The following DAPK2 variants were observed in gnomAD, a reference collection of about 807,000 sequenced individuals.
DAPK2 encodes death-associated protein kinase 2.
In DAPK2, 35 loss-of-function variants were observed where a neutral mutation model predicts 44.1. The observed-to-expected ratio is 0.79, with a 90% CI of 0.61 to 1.05. The LOEUF is 1.05. Ranked by LOEUF, DAPK2 falls within the 50% of genes least tolerant of loss-of-function variation. The pLI, the probability that DAPK2 is intolerant of heterozygous loss-of-function variation, is 0.00. For synonymous variants in DAPK2, 174 were observed against 182.6 expected, an observed-to-expected ratio of 0.95 and a Z score of 0.38; for missense variants, 453 against 483.2, an observed-to-expected ratio of 0.94 and a Z score of 0.59.
At chr15:63,992,876 G>A (rs2078855794) in intron 1 of DAPK2, among the ~76,000 whole-genome samples, 1 of 152,174 alleles carries the variant, frequency 6.6e-6, no homozygotes, top group Non-Finnish European at 1.5e-5. Context: ...AGAAATGCCA[G>A]CCAGGCCCAT....
At chr15:63,972,811 T>C (rs1364746448) in intron 2 of DAPK2, among the ~76,000 whole-genome samples, 1 of 152,202 alleles carries the variant, frequency 6.6e-6, no homozygotes, top group Non-Finnish European at 1.5e-5. Flanking sequence ...CCTCCTCATA[T>C]TGGAAAACAT....
In DAPK2 at chr15:63,912,115, C is replaced by T. The variant is rs150322169; in HGVS notation, c.941G>A (p.Arg314Gln). ...CCCCAACCCTGGACACACCTTCCACCGCCTGCGGACATACTGCTTCCTGAA... is the reference window on the plus strand; with the variant it reads ...CCCCAACCCTGGACACACCTTCCACTGCCTGCGGACATACTGCTTCCTGAA... The change falls in exon 9 of 11, where the codon CGG becomes CAG. Residue 314 changes from arginine (R) to glutamine (Q), a missense_variant. Arg to Gln is a conservative substitution (Grantham distance 43). Transcript: ENST00000261891. This position sits in a 1 kb window ranked among gnomAD's most constrained non-coding sequence, Gnocchi z 4.4. 4.3e-6 allele frequency: 7 copies of T among 1,613,786 alleles called. No individual in the cohort carries two copies. Among genetic ancestry groups the T allele is most frequent in the African/African-American group, 4.0e-5 (3 of 74,832 alleles).
intron 6 of DAPK2, among the ~76,000 whole-genome samples, chr15:63,926,969 C>T (rs759683837): frequency 6.6e-6 from 1 of 152,170 alleles, no homozygotes; most frequent in Non-Finnish European, 1.5e-5. Context: ...ACTTTCTTAG[C>T]ATGGTGGCAG....
At chr15:63,940,483 G>C (rs1233887829) in intron 3 of DAPK2, among the ~76,000 whole-genome samples, 1 of 152,140 alleles carries the variant, frequency 6.6e-6, no homozygotes, top group Non-Finnish European at 1.5e-5. Flanking sequence ...GGTCGAGGTG[G>C]GTGGATTACT....
intron 2 of DAPK2, among the ~76,000 whole-genome samples, chr15:63,973,945 C>T (rs535333830): frequency 2.0e-5 from 3 of 152,264 alleles, no homozygotes; most frequent in Admixed American, 1.3e-4. Context: ...CCCAAAGCCC[C>T]CTTTCTTCAA....
In DAPK2 at chr15:64,024,111, G is replaced by A. The variant is rs190350641; in HGVS notation, c.92+16059C>T. Among the ~76,000 whole-genome samples, 47 of 152,306 alleles carry A rather than the reference G, an allele frequency of 3.1e-4. No individual in the cohort carries two copies. In the East Asian group the frequency reaches 7.7e-3, roughly 25 times the overall value. ...ATGGCAGAGGTCAGAAGTCAAAGAA[G>A]CAGAGGTTTTGTTACCCAACTTTAA... On this transcript the variant is annotated intron_variant, in intron 1 of 10. Coordinates refer to ENST00000261891, the Ensembl canonical transcript of DAPK2.
At chr15:63,957,202 A>G (rs893394797) in intron 3 of DAPK2, among the ~76,000 whole-genome samples, 1 of 152,152 alleles carries the variant, frequency 6.6e-6, no homozygotes, top group African/African-American at 2.4e-5. Flanking sequence ...TTTTATCCTG[A>G]AATCTATTTT....
intron 1 of DAPK2, among the ~76,000 whole-genome samples, chr15:64,023,837 C>T (rs1039341589): frequency 1.3e-5 from 2 of 152,172 alleles, no homozygotes; most frequent in African/African-American, 4.8e-5. Flanking sequence ...TGCTCAAAGC[C>T]GTTACCATCT....
At chr15:64,005,579 T>G (rs530888859) in intron 1 of DAPK2, among the ~76,000 whole-genome samples, 1 of 151,892 alleles carries the variant, frequency 6.6e-6, no homozygotes, top group Admixed American at 6.6e-5. Flanking sequence ...CTGCCCAGAG[T>G]CCCTCATGCC....
intron 2 of DAPK2, among the ~76,000 whole-genome samples, chr15:63,974,587 A>G (rs78757305): frequency 0.03 from 4,511 of 152,300 alleles, 100 homozygotes; most frequent in African/African-American, 0.062. Context: ...CAAGGTTTTT[A>G]TTATGTAGAT....
chr15:64,029,654 C>T lies in DAPK2; in HGVS notation c.92+10516G>A, dbSNP rs76650344. On this transcript the variant is annotated intron_variant, in intron 1 of 10. Coordinates refer to ENST00000261891, the Ensembl canonical transcript of DAPK2. ...GCTCTTCTGGGGCAAGGTCTAAGCCCTAAGTCTCCTCCCCAACACACAGTG... is the reference window on the plus strand; with the variant it reads ...GCTCTTCTGGGGCAAGGTCTAAGCCTTAAGTCTCCTCCCCAACACACAGTG... The T allele has an allele frequency of 6.5e-3, 994 of 152,394 alleles. 6 individuals carry two copies. Among genetic ancestry groups the T allele is most frequent in the African/African-American group, 0.016 (678 of 41,550 alleles). The allele number at this position is 152,394 out of a possible 1,614,324, so 9.4% of individuals were successfully genotyped here.
At chr15:63,932,048 C>T (rs1233802574) in intron 4 of DAPK2, among the ~76,000 whole-genome samples, 1 of 151,688 alleles carries the variant, frequency 6.6e-6, no homozygotes, top group East Asian at 1.9e-4. Flanking sequence ...GTGCTTTTAA[C>T]CCCAGCTACT....
In DAPK2 at chr15:63,912,435, T is replaced by C. The variant is rs925174778; in HGVS notation, c.859-238A>G. On this transcript the variant is annotated intron_variant, in intron 8 of 10. Transcript: ENST00000261891. This position sits in a 1 kb window ranked among gnomAD's most constrained non-coding sequence, Gnocchi z 4.4. Reference sequence around the variant, plus strand: ...CCACAGCCTGACACACACACAGCCTTGGCTGGAGGCTCAGCAGCTCCTGAA... The same window carrying C: ...CCACAGCCTGACACACACACAGCCTCGGCTGGAGGCTCAGCAGCTCCTGAA... Among the ~76,000 whole-genome samples the C allele has an allele frequency of 6.6e-6, 1 of 152,240 alleles. No individual in the cohort carries two copies. Among genetic ancestry groups the C allele is most frequent in the African/African-American group, 2.4e-5 (1 of 41,462 alleles).
chr15:63,964,655 T>C (rs1209822704), intron 3 of DAPK2, among the ~76,000 whole-genome samples: 1 of 152,088 alleles, frequency 6.6e-6, no homozygotes, highest in Non-Finnish European at 1.5e-5. Context: ...TTTTGTCTCC[T>C]CTGTGTATTT....
intron 2 of DAPK2, among the ~76,000 whole-genome samples, chr15:63,978,389 G>A (rs1185888383): frequency 6.6e-6 from 1 of 152,180 alleles, no homozygotes; most frequent in African/African-American, 2.4e-5. Context: ...AAGCTTCTTA[G>A]CTTAGCATTC....
chr15:63,955,423 CA>C (rs2077695999), intron 3 of DAPK2, among the ~76,000 whole-genome samples: 1 of 152,130 alleles, frequency 6.6e-6, no homozygotes, highest in South Asian at 2.1e-4. Flanking sequence ...CAATGTTCAT[CA>C]AGGATATGGT....
At chr15:63,959,988 C>A (rs2077842222) in intron 3 of DAPK2, among the ~76,000 whole-genome samples, 1 of 152,144 alleles carries the variant, frequency 6.6e-6, no homozygotes, top group South Asian at 2.1e-4. Flanking sequence ...TGGTCCTGGA[C>A]ATTTTTTGGT....
intron 1 of DAPK2, among the ~76,000 whole-genome samples, chr15:64,017,240 G>A (rs1425138994): frequency 2.0e-5 from 3 of 152,204 alleles, no homozygotes; most frequent in South Asian, 2.1e-4. Flanking sequence ...ATGAATACAT[G>A]ATGTTGAGTG....
chr15:64,002,830 T>G (rs1367454559), intron 1 of DAPK2, among the ~76,000 whole-genome samples: 1 of 152,088 alleles, frequency 6.6e-6, no homozygotes, highest in Non-Finnish European at 1.5e-5. Context: ...CTTAGAGTCT[T>G]GGGTCTTTTA....
Sources: allele counts gnomAD v4.1 joint callset (sites outside exome capture counted in the v4.1 genomes callset), GRCh38; gene constraint gnomAD v4.1.1; non-coding constraint Gnocchi (gnomAD v3.1); transcripts MANE v1.5; gene names NCBI Gene and HGNC (gene_info 2026-07-23, HGNC 2026-07-21).